Variants in LRRTM4 observed in about 807,000 individuals in gnomAD.
The protein encoded by LRRTM4 is leucine rich repeat transmembrane neuronal 4, also known as leucine-rich repeat transmembrane neuronal protein 4.
A neutral mutation model predicts 47.6 loss-of-function variants in LRRTM4; 25 were observed. That is an observed-to-expected ratio of 0.53 (90% CI 0.38 to 0.73). The LOEUF (loss-of-function observed/expected upper bound fraction) is 0.73, where lower values mean the gene tolerates loss of function less well. LRRTM4 is among the 30% of genes least tolerant of loss of function. LRRTM4 has a pLI of 0.00. For missense variants in LRRTM4, 638 were observed against 713.4 expected, an observed-to-expected ratio of 0.89 and a Z score of 1.20; for synonymous variants, 311 against 269.5, an observed-to-expected ratio of 1.15 and a Z score of -1.51.
chr2:77,381,579 A>G (rs1418160918), intron 3 of LRRTM4, among the ~76,000 whole-genome samples: 1 of 152,112 alleles, frequency 6.6e-6, no homozygotes, highest in Non-Finnish European at 1.5e-5. Context: ...AAATAAAATT[A>G]TAATAAACAC....
At chr2:76,975,818 CTTATT>C (rs376114929) in intron 3 of LRRTM4, among the ~76,000 whole-genome samples, 4 of 151,742 alleles carry the variant, frequency 2.6e-5, no homozygotes, top group African/African-American at 9.6e-5. Flanking sequence ...CTTATACTCT[CTTATT>C]TATTTATTTT....
chr2:76,806,007 G>C (rs969484811), intron 3 of LRRTM4, among the ~76,000 whole-genome samples: 1 of 152,156 alleles, frequency 6.6e-6, no homozygotes, highest in East Asian at 1.9e-4. Context: ...GTTGGGACCT[G>C]ATATTGTTGG....
At chr2:76,948,846 A>C (rs1675408279) in intron 3 of LRRTM4, among the ~76,000 whole-genome samples, 1 of 151,900 alleles carries the variant, frequency 6.6e-6, no homozygotes, top group South Asian at 2.1e-4. Flanking sequence ...GCTCATAATA[A>C]TGCTATTAAT....
At chr2:76,883,787 G>T (rs1292111191) in intron 3 of LRRTM4, among the ~76,000 whole-genome samples, 1 of 152,126 alleles carries the variant, frequency 6.6e-6, no homozygotes, top group Non-Finnish European at 1.5e-5. Context: ...GAGCACTGCA[G>T]ACAAGTGCTA....
intron 3 of LRRTM4, among the ~76,000 whole-genome samples, chr2:77,365,383 A>C (rs1672402646): frequency 1.3e-5 from 2 of 152,024 alleles, no homozygotes; most frequent in Admixed American, 1.3e-4. Context: ...TTTTAATTAC[A>C]TAAAATAACT....
intron 3 of LRRTM4, among the ~76,000 whole-genome samples, chr2:77,097,289 G>C (rs975701013): frequency 6.6e-6 from 1 of 151,786 alleles, no homozygotes; most frequent in African/African-American, 2.4e-5. Context: ...CATTATTTTG[G>C]AATTTCAATA....
rs1573487726 is a variant in LRRTM4 at position 77,040,771 on chromosome 2, T to C, written c.1552-291855A>G. On this transcript the variant is annotated intron_variant, in intron 3 of 3. Coordinates refer to ENST00000409884, the MANE Select transcript of LRRTM4 (RefSeq NM_001134745.3). ...GGAGAAGAGAAACTGCTTTAGTCCA[T>C]TTTTTCCATTTTAAGTTTTATTTTG... 3.3e-5 allele frequency among the ~76,000 whole-genome samples: 5 copies of C among 151,564 alleles called. 2 individuals carry two copies. In the Admixed American group the frequency reaches 3.3e-4, roughly 10 times the overall value.
At chr2:77,170,559 T>G (rs1365608853) in intron 3 of LRRTM4, among the ~76,000 whole-genome samples, 1 of 152,196 alleles carries the variant, frequency 6.6e-6, no homozygotes, top group African/African-American at 2.4e-5. Context: ...TGTATTGTTT[T>G]AAGACATTAT....
At chr2:76,890,601 T>C (rs1443795445) in intron 3 of LRRTM4, among the ~76,000 whole-genome samples, 1 of 151,946 alleles carries the variant, frequency 6.6e-6, no homozygotes, top group Admixed American at 6.6e-5. Flanking sequence ...AAATAGCAAA[T>C]GGCTTTTATA....
chr2:76,799,224 C>A (rs1675525715), intron 3 of LRRTM4, among the ~76,000 whole-genome samples: 1 of 122,364 alleles, frequency 8.2e-6, no homozygotes, highest in South Asian at 2.9e-4. Flanking sequence ...CAAAACGAAT[C>A]CAGCAGCACA....
chr2:77,161,124 A>G (rs1672716916), intron 3 of LRRTM4, among the ~76,000 whole-genome samples: 1 of 152,186 alleles, frequency 6.6e-6, no homozygotes, highest in South Asian at 2.1e-4. Flanking sequence ...CTGCTAAGCT[A>G]TAGGCATAGT....
chr2:76,854,527 G>C (rs1381287317), intron 3 of LRRTM4, among the ~76,000 whole-genome samples: 1 of 151,878 alleles, frequency 6.6e-6, no homozygotes, highest in East Asian at 1.9e-4. Flanking sequence ...ACTCTCTGAG[G>C]GCAAAAAACA....
At chr2:77,316,961 AC>A (rs556232579) in intron 3 of LRRTM4, among the ~76,000 whole-genome samples, 5 of 152,230 alleles carry the variant, frequency 3.3e-5, no homozygotes, top group Non-Finnish European at 5.9e-5. Flanking sequence ...ATTTTAATAA[AC>A]ACATAAGTTT....
chr2:77,444,322 C>T (rs1179140076), intron 3 of LRRTM4, among the ~76,000 whole-genome samples: 1 of 152,088 alleles, frequency 6.6e-6, no homozygotes, highest in African/African-American at 2.4e-5. Flanking sequence ...ATCATTCACT[C>T]AACAAAAGTA....
intron 3 of LRRTM4, among the ~76,000 whole-genome samples, chr2:77,059,572 G>C (rs554728526): frequency 6.6e-6 from 1 of 152,288 alleles, no homozygotes; most frequent in African/African-American, 2.4e-5. Flanking sequence ...ACTGGCAAGA[G>C]ACTCAATAAT....
At chr2:77,186,867 G>A (rs1373898960) in intron 3 of LRRTM4, among the ~76,000 whole-genome samples, 1 of 152,156 alleles carries the variant, frequency 6.6e-6, no homozygotes, top group Non-Finnish European at 1.5e-5. Context: ...CTGCCGGTAT[G>A]TTTTGGAGTC....
chr2:77,180,579 A>G (rs1041651768), intron 3 of LRRTM4, among the ~76,000 whole-genome samples: 2 of 152,182 alleles, frequency 1.3e-5, no homozygotes, highest in African/African-American at 4.8e-5. Flanking sequence ...CTTCACATCA[A>G]TAAAATATAC....
chr2:77,493,119 CTCGCCA>C (rs1181744095), intron 3 of LRRTM4, among the ~76,000 whole-genome samples: 1 of 152,012 alleles, frequency 6.6e-6, no homozygotes, highest in Non-Finnish European at 1.5e-5. Flanking sequence ...CCGAAACATA[CTCGCCA>C]AAATTCATGG....
chr2:77,363,160 T>C (rs1672306539), intron 3 of LRRTM4, among the ~76,000 whole-genome samples: 2 of 152,218 alleles, frequency 1.3e-5, no homozygotes, highest in African/African-American at 2.4e-5. Context: ...TTTGTCCCTT[T>C]AGAATTTATA....
Sources: allele counts gnomAD v4.1 joint callset (sites outside exome capture counted in the v4.1 genomes callset), GRCh38; gene constraint gnomAD v4.1.1; transcripts MANE v1.5; gene names NCBI Gene and HGNC (gene_info 2026-07-23, HGNC 2026-07-21).